The following STAU2 variants were observed in gnomAD, a reference collection of about 807,000 sequenced individuals.
The protein encoded by STAU2 is double-stranded RNA-binding protein Staufen homolog 2.
A neutral mutation model predicts 65.9 loss-of-function variants in STAU2; 20 were observed. The ratio of observed to expected loss-of-function variants is 0.30; its 90% CI spans 0.21 to 0.44. The LOEUF is 0.44. Among genes scored for constraint, STAU2 ranks in the 20% least tolerant of loss-of-function variants. The probability of loss-of-function intolerance (pLI) is 1.00; values close to 1 mark genes in which losing one functional copy is unlikely to be tolerated. For missense variants in STAU2, 558 were observed against 683.9 expected (o/e 0.82, Z 2.05); for synonymous variants, 232 against 233.9 (o/e 0.99, Z 0.07).
At chr8:73,698,547 GGA>G (rs1283849377) in intron 4 of STAU2, among the ~76,000 whole-genome samples, 4 of 152,006 alleles carry the variant, frequency 2.6e-5, no homozygotes, top group African/African-American at 4.8e-5. Flanking sequence ...AAAACTGTAA[GGA>G]GAGACAAAAA....
intron 13 of STAU2, among the ~76,000 whole-genome samples, chr8:73,436,990 T>G (rs773277896): frequency 6.6e-6 from 1 of 152,208 alleles, no homozygotes; most frequent in Non-Finnish European, 1.5e-5. Flanking sequence ...CCTAACAATA[T>G]TAACTCTAAA....
chr8:73,620,198 C>A (rs1813126170), intron 6 of STAU2, among the ~76,000 whole-genome samples: 1 of 152,140 alleles, frequency 6.6e-6, no homozygotes, highest in Admixed American at 6.5e-5. Context: ...CCCACCTCCA[C>A]ATAACTTTGT....
intron 1 of STAU2, among the ~76,000 whole-genome samples, chr8:73,743,726 G>A (rs1807054903): frequency 6.7e-6 from 1 of 149,368 alleles, no homozygotes; most frequent in Non-Finnish European, 1.5e-5. Context: ...CACCCACCTC[G>A]GCCTCCCAAA....
intron 13 of STAU2, among the ~76,000 whole-genome samples, chr8:73,510,054 A>G (rs954744500): frequency 2.0e-5 from 3 of 152,172 alleles, no homozygotes; most frequent in African/African-American, 7.2e-5. Context: ...TTAATTGGAA[A>G]GTATATTTCT....
chr8:73,574,877 G>A (rs1809405100), intron 12 of STAU2, among the ~76,000 whole-genome samples: 1 of 151,580 alleles, frequency 6.6e-6, no homozygotes, highest in African/African-American at 2.4e-5. Context: ...TGCACATTGT[G>A]CACATGTACC....
intron 12 of STAU2, among the ~76,000 whole-genome samples, chr8:73,574,594 C>A (rs1445685731): frequency 2.0e-5 from 3 of 152,292 alleles, no homozygotes; most frequent in African/African-American, 4.8e-5. Context: ...AGGATGACTT[C>A]ATGTCCTTTG....
chr8:73,671,862 C>T (rs1228654832), intron 6 of STAU2, among the ~76,000 whole-genome samples: 1 of 151,922 alleles, frequency 6.6e-6, no homozygotes, highest in Admixed American at 6.6e-5. Flanking sequence ...CCCATCTCTA[C>T]TAAAATACAA....
At chr8:73,705,730 T>C (rs1355216213) in intron 4 of STAU2, among the ~76,000 whole-genome samples, 1 of 152,190 alleles carries the variant, frequency 6.6e-6, no homozygotes, top group Non-Finnish European at 1.5e-5. Flanking sequence ...ACTAAAATAA[T>C]TATTATTTTA....
intron 12 of STAU2, among the ~76,000 whole-genome samples, chr8:73,555,812 T>G (rs1412976611): frequency 1.3e-5 from 2 of 152,214 alleles, no homozygotes; most frequent in African/African-American, 4.8e-5. Flanking sequence ...TGAAACCAAT[T>G]CTTCACGGAT....
intron 5 of STAU2, among the ~76,000 whole-genome samples, chr8:73,677,766 T>C (rs1320555458): frequency 6.6e-6 from 1 of 152,190 alleles, no homozygotes; most frequent in Non-Finnish European, 1.5e-5. Context: ...AATGTGCCCT[T>C]GTCTGTATAC....
chr8:73,455,629 T>G (rs746893822), intron 13 of STAU2, among the ~76,000 whole-genome samples: 3 of 152,132 alleles, frequency 2.0e-5, no homozygotes, highest in Non-Finnish European at 4.4e-5. Flanking sequence ...TTATTCCCTA[T>G]CCTTAAAAGG....
intron 6 of STAU2, among the ~76,000 whole-genome samples, chr8:73,641,054 C>G (rs1372635250): frequency 2.6e-5 from 4 of 152,134 alleles, no homozygotes; most frequent in African/African-American, 9.7e-5. Context: ...TACTTGCCCA[C>G]TGAGTGATAC....
intron 6 of STAU2, among the ~76,000 whole-genome samples, chr8:73,645,256 C>T (rs963929771): frequency 1.3e-5 from 2 of 152,102 alleles, no homozygotes; most frequent in African/African-American, 2.4e-5. Flanking sequence ...GACCAAGTAT[C>T]GTTTATTGCA....
At chr8:73,514,244 A>T (rs1225695076) in intron 13 of STAU2, among the ~76,000 whole-genome samples, 2 of 152,018 alleles carry the variant, frequency 1.3e-5, no homozygotes, top group Non-Finnish European at 2.9e-5. Flanking sequence ...TCAGAGTCAC[A>T]CCCATCAAGG....
intron 6 of STAU2, among the ~76,000 whole-genome samples, chr8:73,654,664 A>AAAAAAAAAAAAAAAT (rs1554556802): frequency 2.4e-5 from 3 of 122,982 alleles, no homozygotes; most frequent in South Asian, 2.6e-4. Context: ...AAAAAAAAGA[A>AAAAAAAAAAAAAAAT]CTCTTTTAAT....
At chr8:73,523,196 CAAAAAAAAAAAAAAA>C (rs763732188) in intron 13 of STAU2, among the ~76,000 whole-genome samples, 1 of 78,626 alleles carries the variant, frequency 1.3e-5, no homozygotes, top group African/African-American at 5.0e-5. Context: ...ACTTTGTCTC[CAAAAAAAAAAAAAAA>C]AAAAAAAAGA....
chr8:73,451,327 A>G (rs540305232), intron 13 of STAU2, among the ~76,000 whole-genome samples: 1 of 152,172 alleles, frequency 6.6e-6, no homozygotes, highest in Non-Finnish European at 1.5e-5. Flanking sequence ...TCCAGATGTG[A>G]AAAGCTGAAG....
intron 4 of STAU2, among the ~76,000 whole-genome samples, chr8:73,690,466 A>T (rs946574570): frequency 6.6e-6 from 1 of 152,168 alleles, no homozygotes; most frequent in Non-Finnish European, 1.5e-5. Flanking sequence ...GGGAAATGTG[A>T]CTATGAACTA....
intron 6 of STAU2, chr8:73,652,927 A>C (rs1335609372): frequency 6.6e-6 from 1 of 152,148 alleles, no homozygotes; most frequent in Non-Finnish European, 1.5e-5. Context: ...ATAAATTCTG[A>C]AGTAAAAAAA....
Sources: allele counts gnomAD v4.1 joint callset (sites outside exome capture counted in the v4.1 genomes callset), GRCh38; gene constraint gnomAD v4.1.1; transcripts MANE v1.5; gene names NCBI Gene and HGNC (gene_info 2026-07-23, HGNC 2026-07-21).